IGSF10: variants seen among roughly 807,000 people sequenced by gnomAD.
IGSF10 encodes the protein calvaria mechanical force protein 608.
IGSF10 carries 126 observed loss-of-function variants against 128.2 expected under a neutral mutation model. The ratio of observed to expected loss-of-function variants is 0.98; its 90% CI spans 0.85 to 1.14. The LOEUF is 1.14. Ranked by LOEUF, IGSF10 falls within the 50% of genes most tolerant of loss-of-function variation. IGSF10 has a pLI of 0.00. For missense variants in IGSF10, 3,295 were observed against 3,149.8 expected (o/e 1.05, Z -1.10); for synonymous variants, 1,185 against 1,146.2 (o/e 1.03, Z -0.68).
the IGSF10 span, among the ~76,000 whole-genome samples, chr3:151,612,530 T>C: frequency 2.0e-5 from 3 of 152,110 alleles, no homozygotes; most frequent in South Asian, 2.1e-4. Flanking sequence ...AATAAGAGTA[T>C]AGAAGTAGAA....
chr3:151,436,818 A>G lies in IGSF10; in HGVS notation c.7743T>C (p.Ser2581=). The G allele has an allele frequency of 2.5e-6, 4 of 1,614,154 alleles. No homozygotes were observed. The highest frequency in any genetic ancestry group is 3.4e-6 in the Non-Finnish European group (4 of 1,179,998). Residue 2581 remains serine (S), a synonymous_variant, in exon 8 of 8, where the codon AGT becomes AGC. Coordinates refer to ENST00000282466, the MANE Select transcript of IGSF10 (RefSeq NM_178822.5). ...STASKERTHG[S]EQLHLQGTLV... is the part of the protein sequence containing the mutation. ...GGGTACCTTGTAAGTGAAGCTGCTC[A>G]CTTCCATGTGTCCTCTCTTTACTTG...
the IGSF10 span, among the ~76,000 whole-genome samples, chr3:151,563,311 T>C: frequency 6.6e-6 from 1 of 152,136 alleles, no homozygotes; most frequent in Admixed American, 6.6e-5. Flanking sequence ...CAGGGCATCC[T>C]GCCTACACTT....
At chr3:151,474,842 G>A in the IGSF10 span, among the ~76,000 whole-genome samples, 1 of 152,104 alleles carries the variant, frequency 6.6e-6, no homozygotes, top group African/African-American at 2.4e-5. Context: ...CTTGTGCAGG[G>A]GAACTCCTCT....
chr3:151,531,612 ATAAG>A, the IGSF10 span, among the ~76,000 whole-genome samples: 1 of 151,782 alleles, frequency 6.6e-6, no homozygotes, highest in Non-Finnish European at 1.5e-5. Context: ...GAAGACAGAA[ATAAG>A]TAAGTTTTTT....
chr3:151,543,191 A>G, the IGSF10 span, among the ~76,000 whole-genome samples: 1 of 152,150 alleles, frequency 6.6e-6, no homozygotes, highest in Non-Finnish European at 1.5e-5. Context: ...TCCTGCAGTA[A>G]ATAAGTATTA....
At chr3:151,458,805 TA>T in intron 2 of IGSF10, 95 bp from the exon 3 acceptor site, 1 of 982,690 alleles carries the variant, frequency 1.0e-6, no homozygotes, top group Non-Finnish European at 1.5e-6. Context: ...AGACCTTCTT[TA>T]AGGGTCGTAA....
the IGSF10 span, among the ~76,000 whole-genome samples, chr3:151,483,367 T>C: frequency 3.9e-5 from 6 of 152,288 alleles, no homozygotes; most frequent in South Asian, 6.2e-4. Flanking sequence ...AAATTGCAGA[T>C]TGTAAGTATA....
chr3:151,455,681 T>C (rs1251291015), intron 4 of IGSF10, among the ~76,000 whole-genome samples: 1 of 152,228 alleles, frequency 6.6e-6, no homozygotes, highest in African/African-American at 2.4e-5. Context: ...AGTATTCTAC[T>C]GTATACATGC....
chr3:151,499,075 CAT>C, the IGSF10 span, among the ~76,000 whole-genome samples: 35 of 152,032 alleles, frequency 2.3e-4, no homozygotes, highest in African/African-American at 7.5e-4. Context: ...TACTTTTGTA[CAT>C]GTTTTCCTGC....
At chr3:151,484,601 C>T in the IGSF10 span, among the ~76,000 whole-genome samples, 6 of 152,008 alleles carry the variant, frequency 3.9e-5, no homozygotes, top group South Asian at 4.2e-4. Flanking sequence ...TCCAGAGGAA[C>T]GAACAGGCAG....
At chr3:151,522,416 T>C in the IGSF10 span, among the ~76,000 whole-genome samples, 1 of 152,082 alleles carries the variant, frequency 6.6e-6, no homozygotes, top group Non-Finnish European at 1.5e-5. Flanking sequence ...ACCAATATCC[T>C]TGATGAACAT....
At chr3:151,515,616 T>A in the IGSF10 span, among the ~76,000 whole-genome samples, 2 of 151,572 alleles carry the variant, frequency 1.3e-5, no homozygotes, top group Non-Finnish European at 2.9e-5. Flanking sequence ...ACTTGAAGTA[T>A]AATATAAAAA....
the IGSF10 span, among the ~76,000 whole-genome samples, chr3:151,511,813 C>T: frequency 5.9e-5 from 9 of 152,106 alleles, no homozygotes; most frequent in African/African-American, 1.9e-4. Context: ...AAGTTGTAAT[C>T]CTAGTCTCGG....
At chr3:151,618,931 A>G in the IGSF10 span, among the ~76,000 whole-genome samples, 1 of 151,432 alleles carries the variant, frequency 6.6e-6, no homozygotes, top group Non-Finnish European at 1.5e-5. Context: ...TTCAGCTATC[A>G]CTGAAAGTCT....
the IGSF10 span, among the ~76,000 whole-genome samples, chr3:151,498,959 AT>A: frequency 2.6e-5 from 4 of 151,880 alleles, no homozygotes; most frequent in South Asian, 4.2e-4. Flanking sequence ...TTTTAATAGG[AT>A]TTTTTTTCAA....
intron 7 of IGSF10, 79 bp downstream of exon 7, chr3:151,442,905 T>C (rs1356537943): frequency 1.5e-6 from 2 of 1,311,576 alleles, no homozygotes; most frequent in Admixed American, 2.2e-5. Flanking sequence ...CTAGCCTCAC[T>C]GTGTCACTTT....
the IGSF10 span, among the ~76,000 whole-genome samples, chr3:151,575,998 G>T: frequency 1.3e-5 from 2 of 152,014 alleles, no homozygotes; most frequent in African/African-American, 4.8e-5. Context: ...AATTTTATAT[G>T]ATCTAATTTA....
At chr3:151,438,863 T>G (rs730878) in intron 7 of IGSF10, among the ~76,000 whole-genome samples, 17,906 of 131,036 alleles carry the variant, frequency 0.14, 1,361 homozygotes, top group Middle Eastern at 0.24. Flanking sequence ...TATATATATA[T>G]ATAGAGAGAG....
downstream of IGSF10, chr3:151,435,136 G>C (rs1719990484): frequency 7.0e-6 from 1 of 142,164 alleles, no homozygotes; most frequent in South Asian, 2.2e-4. Flanking sequence ...GTAAAGCCCT[G>C]TGGCAGAACC....
Sources: allele counts gnomAD v4.1 joint callset (sites outside exome capture counted in the v4.1 genomes callset), GRCh38; gene constraint gnomAD v4.1.1; transcripts MANE v1.5; gene names NCBI Gene and HGNC (gene_info 2026-07-23, HGNC 2026-07-21).